NDE1: variants seen among roughly 807,000 people sequenced by gnomAD.
NDE1 encodes the protein nuclear distribution protein nudE homolog 1.
In NDE1, 28 loss-of-function variants were observed where a neutral mutation model predicts 43.4. That is an observed-to-expected ratio of 0.65 (90% CI 0.48 to 0.89). The LOEUF (loss-of-function observed/expected upper bound fraction) is 0.89, where lower values mean the gene tolerates loss of function less well. Ranked by LOEUF, NDE1 falls within the 40% of genes least tolerant of loss-of-function variation. NDE1 has a pLI of 0.00. For synonymous variants in NDE1, 184 were observed against 172.0 expected (o/e 1.07, Z -0.55); for missense variants, 441 against 434.1 (o/e 1.02, Z -0.14).
chr16:15,664,530 G>A (rs560210580), intron 1 of NDE1, among the ~76,000 whole-genome samples: 2 of 151,912 alleles, frequency 1.3e-5, no homozygotes, highest in Non-Finnish European at 2.9e-5. Flanking sequence ...CTAATTTTTC[G>A]TATTTTAGTA....
At chr16:15,699,350 C>T (rs545730036) in intron 8 of NDE1, among the ~76,000 whole-genome samples, 36 of 150,006 alleles carry the variant, frequency 2.4e-4, no homozygotes, top group African/African-American at 8.6e-4. Flanking sequence ...ACCTCCGCCT[C>T]CTGGGCTCCA....
At chr16:15,706,715 CA>C (rs554587198) in intron 8 of NDE1, among the ~76,000 whole-genome samples, 3 of 150,000 alleles carry the variant, frequency 2.0e-5, no homozygotes, top group East Asian at 2.0e-4. Context: ...AAAAAAAAAA[CA>C]AAAAAAAATC....
At chr16:15,722,841 T>C (rs1317700445) in intron 8 of NDE1, among the ~76,000 whole-genome samples, 1 of 152,154 alleles carries the variant, frequency 6.6e-6, no homozygotes, top group Non-Finnish European at 1.5e-5. Context: ...CACCCTGGGT[T>C]CAAGCGATTC....
At chr16:15,724,137 T>C (rs755202817) in intron 8 of NDE1, 54 bp from the exon 9 acceptor site, 10 of 1,611,844 alleles carry the variant, frequency 6.2e-6, no homozygotes, top group African/African-American at 1.3e-5. Flanking sequence ...ATGGCCAGAG[T>C]GGGGGACACC....
At chr16:15,647,399 G>T (rs961867516), upstream of NDE1, among the ~76,000 whole-genome samples, 2 of 152,316 alleles carry the variant, frequency 1.3e-5, no homozygotes, top group East Asian at 3.9e-4. Flanking sequence ...CTAGTTGTAA[G>T]ACCTCGGACA....
intron 8 of NDE1, chr16:15,699,660 CTG>C: frequency 7.7e-7 from 1 of 1,302,888 alleles, no homozygotes; most frequent in Non-Finnish European, 1.0e-6. Context: ...TTATAACTCT[CTG>C]GGCCCCGGTG....
At chr16:15,699,612 C>A (rs1265891405) in intron 8 of NDE1, 20 of 1,223,356 alleles carry the variant, frequency 1.6e-5, no homozygotes, top group Non-Finnish European at 2.1e-5. Flanking sequence ...AAAATTGAGA[C>A]CCTGTGAGAC....
chr16:15,676,113 C>T (rs918668345), intron 3 of NDE1, among the ~76,000 whole-genome samples: 2 of 151,848 alleles, frequency 1.3e-5, no homozygotes, highest in African/African-American at 4.8e-5. Flanking sequence ...TTCCTTCCCT[C>T]TCCCTCCCTT....
chr16:15,692,709 C>T (rs1448725236), intron 6 of NDE1, among the ~76,000 whole-genome samples: 1 of 151,880 alleles, frequency 6.6e-6, no homozygotes, highest in African/African-American at 2.4e-5. Flanking sequence ...TGTGCCTAGC[C>T]CCAGTCTAGA....
Position 15,680,390 on chromosome 16 carries a change from C to T in NDE1, c.386+2441C>T, listed in dbSNP as rs147016677. Among the ~76,000 whole-genome samples, 387 of 152,220 alleles carry T rather than the reference C, an allele frequency of 2.5e-3. 5 individuals are homozygous for T. The highest frequency in any genetic ancestry group is 8.6e-3 in the African/African-American group (358 of 41,544). The stretch of plus-strand genomic sequence containing the variant: ...CCCAGTCTTGTTCTGTTTTTCTAAG[C>T]GTTGTTTTCCAGTTCCTGCCAGTGC... On this transcript the variant is annotated intron_variant, in intron 4 of 8. Transcript: ENST00000396354.
chr16:15,725,328 A>G lies in NDE1; in HGVS notation c.*1077A>G, dbSNP rs893688185. On this transcript the variant is annotated 3_prime_UTR_variant, in exon 9 of 9. Transcript: ENST00000396354. ...TCCCTGCCAAGGTTGGTAGAGACAA[A>G]GCAGCAGGTCTGAGAGTCCAGACGA... 1 of 562,158 alleles carries G rather than the reference A, an allele frequency of 1.8e-6. No individual in the cohort carries two copies. The highest frequency in any genetic ancestry group is 2.2e-5 in the South Asian group (1 of 45,482). 34.8% of individuals were successfully genotyped at this position (562,158 alleles called of 1,614,324 possible). A position where few individuals can be genotyped will look rare whatever the true frequency, so the allele number is the denominator to read the frequency against.
chr16:15,719,579 C>CT lies in NDE1; in HGVS notation c.948-4609dup. On this transcript the variant is annotated intron_variant, in intron 8 of 8. Coordinates refer to ENST00000396354, the MANE Select transcript of NDE1 (RefSeq NM_017668.3). ...CTGAGGCTCTCCTAGCAAGGCGAGG[C>CT]TTTACCTCTTGTAGCTGCATGAGGT... 6.2e-7 allele frequency: 1 copy of CT among 1,614,092 alleles called. No individual in the cohort carries two copies. The highest frequency in any genetic ancestry group is 2.2e-5 in the East Asian group (1 of 44,882).
intron 1 of NDE1, among the ~76,000 whole-genome samples, 159 bp downstream of exon 1, chr16:15,650,453 C>T (rs1002654202): frequency 1.3e-5 from 2 of 152,226 alleles, no homozygotes; most frequent in Admixed American, 6.5e-5. Flanking sequence ...TTCCCGGCCG[C>T]CTGGACTCCC....
rs762269040 is a variant in NDE1 at position 15,719,312 on chromosome 16, G to A, written c.948-4879G>A. 1.2e-6 allele frequency: 2 copies of A among 1,610,098 alleles called. No individual in the cohort carries two copies. The highest frequency in any genetic ancestry group is 1.7e-6 in the Non-Finnish European group (2 of 1,179,940). On this transcript the variant is annotated intron_variant, in intron 8 of 8. Transcript: ENST00000396354. Reference sequence around the variant, plus strand: ...CCCTCTCAGCGGCGGCGAGGTCCTAGGTGGGAGGGAGGAAGGCTGTTGTCT... The same window carrying A: ...CCCTCTCAGCGGCGGCGAGGTCCTAAGTGGGAGGGAGGAAGGCTGTTGTCT...
intron 1 of NDE1, among the ~76,000 whole-genome samples, chr16:15,654,481 A>G (rs2036656200): frequency 6.6e-6 from 1 of 151,462 alleles, no homozygotes. Context: ...TGCACCTGTA[A>G]TCCGAGGTAC....
At position 15,694,162 on chromosome 16, in the gene NDE1, C is replaced by G. The variant is rs775585135; in HGVS notation, c.704-3C>G. 13 of 1,612,188 alleles carry G rather than the reference C, an allele frequency of 8.1e-6. No homozygotes were observed. The South Asian group carries it at 1.1e-4, about 14-fold the overall frequency. ...TTACATGCTCTTCCCTTTGCACACC[C>G]AGGCCTGGACGACTCCACCGGGGGG... On this transcript the variant is annotated splice_polypyrimidine_tract_variant and splice_region_variant and intron_variant, in intron 6 of 8. Coordinates refer to ENST00000396354, the MANE Select transcript of NDE1 (RefSeq NM_017668.3).
chr16:15,721,085 G>A (rs754538193), intron 8 of NDE1: 3 of 1,608,030 alleles, frequency 1.9e-6, no homozygotes, highest in South Asian at 2.2e-5. Flanking sequence ...ATTCTATGAG[G>A]CTCAACTTCA....
chr16:15,650,337 CG>C, intron 1 of NDE1, 43 bp downstream of exon 1: 1 of 232,304 alleles, frequency 4.3e-6, no homozygotes, highest in Non-Finnish European at 8.9e-6. Context: ...GGTGGCTGTC[CG>C]GGGACCTCCA....
At chr16:15,717,141 T>G (rs1360293989) in intron 8 of NDE1, 1 of 1,614,160 alleles carries the variant, frequency 6.2e-7, no homozygotes, top group Non-Finnish European at 8.5e-7. Context: ...CCCGCATACC[T>G]GGCCTCCTGC....
Sources: gnomAD v4.1 joint callset for allele counts (sites outside exome capture counted in the v4.1 genomes callset) on GRCh38, gnomAD v4.1.1 for gene constraint, MANE v1.5 for transcripts, NCBI Gene and HGNC (gene_info 2026-07-23, HGNC 2026-07-21) for gene names.